TMEM67: variants seen among roughly 807,000 people sequenced by gnomAD.
The protein encoded by TMEM67 is meckelin.
In TMEM67, 124 loss-of-function variants were observed where a neutral mutation model predicts 136.6. The observed-to-expected ratio is 0.91, with a 90% CI of 0.78 to 1.05. The LOEUF is 1.05. Ranked by LOEUF, TMEM67 falls within the 50% of genes least tolerant of loss-of-function variation. The pLI is 0.00. For synonymous variants in TMEM67, 364 were observed against 390.5 expected (o/e 0.93, Z 0.80); for missense variants, 1,107 against 1,178.4 (o/e 0.94, Z 0.89).
At chr8:93,780,239 G>T (rs190216172) in intron 7 of TMEM67, among the ~76,000 whole-genome samples, 2 of 152,122 alleles carry the variant, frequency 1.3e-5, no homozygotes, top group East Asian at 3.9e-4. Flanking sequence ...GCAGTGTTTA[G>T]GTGGAGGTGT....
chr8:93,825,131 A>G, the TMEM67 span, among the ~76,000 whole-genome samples: 2 of 152,258 alleles, frequency 1.3e-5, no homozygotes, highest in Non-Finnish European at 2.9e-5. Flanking sequence ...GGAATAGGTC[A>G]GTGTACAAAG....
intron 11 of TMEM67, among the ~76,000 whole-genome samples, chr8:93,783,179 T>C (rs996865792): frequency 6.6e-6 from 1 of 152,046 alleles, no homozygotes; most frequent in African/African-American, 2.4e-5. Context: ...AGAGATGGGG[T>C]TTTGCTGTGT....
At position 93,784,872 on chromosome 8, in the gene TMEM67, G is replaced by A. The variant is rs184405457; in HGVS notation, c.1132-350G>A. On this transcript the variant is annotated intron_variant, in intron 11 of 27. Coordinates refer to ENST00000453321, the MANE Select transcript of TMEM67 (RefSeq NM_153704.6). The stretch of plus-strand genomic sequence containing the variant: ...GGAGAAAAAATTGGGAATTTATCCC[G>A]TAGGACAGTAGTTTTAAACCTTTTC... Among the ~76,000 whole-genome samples, 8 of 152,286 alleles carry A rather than the reference G, an allele frequency of 5.3e-5. No individual in the cohort carries two copies. The East Asian group carries it at 1.2e-3, about 22-fold the overall frequency.
chr8:93,782,074 C>A (rs1237157055), intron 10 of TMEM67, among the ~76,000 whole-genome samples: 1 of 152,132 alleles, frequency 6.6e-6, no homozygotes, highest in Non-Finnish European at 1.5e-5. Context: ...CCACCACGTC[C>A]AGCTAATTTT....
intron 7 of TMEM67, among the ~76,000 whole-genome samples, chr8:93,780,044 C>T (rs888969481): frequency 5.9e-5 from 9 of 152,236 alleles, no homozygotes; most frequent in African/African-American, 2.2e-4. Context: ...TTGGAGCTTC[C>T]CCGGCTGCTT....
intron 22 of TMEM67, among the ~76,000 whole-genome samples, chr8:93,804,322 T>C (rs1041881206): frequency 7.3e-6 from 1 of 136,080 alleles, no homozygotes; most frequent in African/African-American, 3.0e-5. Context: ...TTTTTTTTTT[T>C]TTTTTTTTTT....
intron 21 of TMEM67, among the ~76,000 whole-genome samples, chr8:93,801,004 GA>G (rs1043946743): frequency 2.1e-4 from 28 of 132,912 alleles, no homozygotes; most frequent in African/African-American, 4.7e-4. Context: ...AGGCCATAAA[GA>G]AAAAAAAAAG....
At chr8:93,775,427 C>G (rs982388467) in intron 7 of TMEM67, among the ~76,000 whole-genome samples, 1 of 152,110 alleles carries the variant, frequency 6.6e-6, no homozygotes, top group Non-Finnish European at 1.5e-5. Flanking sequence ...AGTCCTTGCC[C>G]GTGCCTATGT....
the TMEM67 span, among the ~76,000 whole-genome samples, chr8:93,831,209 T>C: frequency 6.6e-6 from 1 of 152,216 alleles, no homozygotes; most frequent in East Asian, 1.9e-4. Flanking sequence ...AGGCCTTTCT[T>C]TGAGCCCCTT....
intron 3 of TMEM67, among the ~76,000 whole-genome samples, chr8:93,762,339 C>G (rs1812881111): frequency 6.6e-6 from 1 of 150,418 alleles, no homozygotes; most frequent in South Asian, 2.1e-4. Context: ...ATTATCTTTA[C>G]CTTTTTTTTT....
chr8:93,782,253 A>C (rs1813869974), intron 10 of TMEM67, 142 bp from the exon 11 acceptor site: 1 of 685,170 alleles, frequency 1.5e-6, no homozygotes, highest in Non-Finnish European at 2.5e-6. Context: ...CATTTATAAC[A>C]GATGTTCCCT....
At chr8:93,828,003 G>A in the TMEM67 span, among the ~76,000 whole-genome samples, 10 of 152,216 alleles carry the variant, frequency 6.6e-5, no homozygotes, top group South Asian at 8.3e-4. Flanking sequence ...ATGCAGGAGC[G>A]TGAGGATGCA....
intron 21 of TMEM67, among the ~76,000 whole-genome samples, chr8:93,801,835 G>C (rs1435763655): frequency 6.6e-6 from 1 of 152,080 alleles, no homozygotes; most frequent in Non-Finnish European, 1.5e-5. Flanking sequence ...GATAGAGTTA[G>C]TAAAGGACAG....
chr8:93,800,969 G>T, intron 21 of TMEM67, among the ~76,000 whole-genome samples: 1 of 149,068 alleles, frequency 6.7e-6, no homozygotes, highest in Non-Finnish European at 1.5e-5. Context: ...AGTCTTTTTA[G>T]CCTCAGGTCC....
At chr8:93,808,730 C>T (rs1180569269) in intron 23 of TMEM67, 110 bp from the exon 24 acceptor site, 1 of 714,770 alleles carries the variant, frequency 1.4e-6, no homozygotes, top group Non-Finnish European at 2.5e-6. Context: ...TCACTTAGCA[C>T]CTGAATCTTG....
At chr8:93,767,225 C>G (rs1813119002) in intron 6 of TMEM67, among the ~76,000 whole-genome samples, 1 of 152,156 alleles carries the variant, frequency 6.6e-6, no homozygotes, top group Admixed American at 6.5e-5. Context: ...ATGAAAGCCA[C>G]AAAAAAGATG....
At position 93,780,701 on chromosome 8, in the gene TMEM67, T is replaced by G. The variant is rs2130663123; in HGVS notation, c.823T>G (p.Phe275Val). ...TGCATGTGGACTATTTCAGTTTATC[T>G]TTGAAAATACTGCTGGACTGAGCAC... ...FDACGLFQFI[F>V]ENTAGLSTVH... The change falls in exon 8 of 28, where the codon TTT becomes GTT. Residue 275 changes from phenylalanine (F) to valine (V), a missense_variant. By Grantham distance (50) the Phe-to-Val change is conservative. Around this residue, in one of 3 missense-constraint regions of TMEM67, gnomAD observed 925 missense variants for 1,002.4 expected, o/e 0.92. Coordinates refer to ENST00000453321, the MANE Select transcript of TMEM67 (RefSeq NM_153704.6). 1 of 1,614,108 alleles carries G rather than the reference T, an allele frequency of 6.2e-7. No individual in the cohort carries two copies. Among genetic ancestry groups the G allele is most frequent in the East Asian group, 2.2e-5 (1 of 44,872 alleles).
Position 93,786,314 on chromosome 8 carries a change from A to G in TMEM67, c.1380A>G (p.Arg460=), listed in dbSNP as rs1215515597. The change falls in exon 13 of 28, where the codon AGA becomes AGG. Residue 460 remains arginine (R), a synonymous_variant. Transcript: ENST00000453321. ...GRENDLGTQP[R]VIRVATQISL... ...AAAATGACTTAGGAACTCAGCCAAG[A>G]GTAATTCGAGTTGCTACTCAAATAT... 6.2e-7 allele frequency: 1 copy of G among 1,614,076 alleles called. No individual in the cohort carries two copies. The highest frequency in any genetic ancestry group is 1.1e-5 in the South Asian group (1 of 91,088).
At chr8:93,824,715 GT>G in the TMEM67 span, among the ~76,000 whole-genome samples, 2 of 151,878 alleles carry the variant, frequency 1.3e-5, no homozygotes, top group African/African-American at 4.8e-5. Context: ...TTTTTTTGTT[GT>G]TTTTGTTTGT....
Sources: gnomAD v4.1 joint callset for allele counts (sites outside exome capture counted in the v4.1 genomes callset) on GRCh38, gnomAD v4.1.1 for gene constraint, gnomAD v4.1.1 regional missense constraint, MANE v1.5 for transcripts, NCBI Gene and HGNC (gene_info 2026-07-23, HGNC 2026-07-21) for gene names.